The following SNRPN variants were observed in gnomAD, a reference collection of about 807,000 sequenced individuals.
The protein encoded by SNRPN is small nuclear ribonucleoprotein-associated protein N.
In SNRPN, 7 loss-of-function variants were observed where a neutral mutation model predicts 25.2. The observed-to-expected ratio is 0.28, with a 90% CI of 0.16 to 0.52. The LOEUF (loss-of-function observed/expected upper bound fraction) is 0.52, where lower values mean the gene tolerates loss of function less well. SNRPN is among the 20% of genes least tolerant of loss of function. The pLI is 0.96. For synonymous variants in SNRPN, 124 were observed against 110.6 expected, an observed-to-expected ratio of 1.12 and a Z score of -0.76; for missense variants, 196 against 322.5, an observed-to-expected ratio of 0.61 and a Z score of 3.00.
intron 1 of SNRPN, among the ~76,000 whole-genome samples, chr15:24,857,736 A>G (rs1166887286): frequency 6.6e-6 from 1 of 152,160 alleles, no homozygotes; most frequent in African/African-American, 2.4e-5. Context: ...CCAGCTGTCT[A>G]GACAGAGCCG....
Position 24,967,904 on chromosome 15 carries a change from A to G in SNRPN, c.-294-28A>G, listed in dbSNP as rs79932163. The G allele has an allele frequency of 1.4e-3, 2,259 of 1,578,162 alleles. 23 individuals carry two copies. The African/African-American group carries it at 0.026, about 18-fold the overall frequency. On this transcript the variant is annotated intron_variant, in intron 2 of 9. Transcript: ENST00000390687. Reference sequence around the variant, plus strand: ...CTATAAAGACAAATGTATTTTTATCATTTATATATATTGTGCTCTTGTTGT... The same window carrying G: ...CTATAAAGACAAATGTATTTTTATCGTTTATATATATTGTGCTCTTGTTGT...
intron 3 of SNRPN, among the ~76,000 whole-genome samples, chr15:24,937,834 G>A (rs1279344625): frequency 1.3e-5 from 2 of 151,972 alleles, no homozygotes; most frequent in African/African-American, 4.8e-5. Context: ...CATTTGATTA[G>A]TCTGGATATC....
chr15:24,880,029 T>C (rs982848712), intron 1 of SNRPN, among the ~76,000 whole-genome samples: 2 of 152,188 alleles, frequency 1.3e-5, no homozygotes, highest in Non-Finnish European at 2.9e-5. Flanking sequence ...ACAGTAATTT[T>C]CGTTTCCTTA....
intron 1 of SNRPN, chr15:24,958,787 A>AT (rs1268947346): frequency 1.9e-5 from 3 of 154,262 alleles, no homozygotes; most frequent in Non-Finnish European, 4.4e-5. Context: ...TGATGCAGTT[A>AT]TAGCTCCCTG....
At chr15:24,878,790 A>G (rs1239208981) in intron 1 of SNRPN, among the ~76,000 whole-genome samples, 2 of 152,132 alleles carry the variant, frequency 1.3e-5, no homozygotes, top group African/African-American at 4.8e-5. Flanking sequence ...CTTTTCAAAA[A>G]TACTGAACTT....
chr15:24,971,476 T>C (rs2076395161), intron 3 of SNRPN, among the ~76,000 whole-genome samples: 1 of 152,086 alleles, frequency 6.6e-6, no homozygotes, highest in African/African-American at 2.4e-5. Context: ...CTGTAGGAGG[T>C]CAACTCCTAT....
chr15:24,957,453 G>T (rs1442389395), intron 1 of SNRPN, among the ~76,000 whole-genome samples: 1 of 152,184 alleles, frequency 6.6e-6, no homozygotes, highest in Non-Finnish European at 1.5e-5. Context: ...CAAAAATTTG[G>T]TGAGAAAGGT....
At chr15:24,841,008 AT>A (rs1428534303) in intron 2 of SNRPN, among the ~76,000 whole-genome samples, 1 of 151,820 alleles carries the variant, frequency 6.6e-6, no homozygotes, top group Non-Finnish European at 1.5e-5. Flanking sequence ...TGCCCTGCTA[AT>A]TTTTATATTT....
chr15:24,955,585 C>T (rs955449489), intron 1 of SNRPN, among the ~76,000 whole-genome samples: 1 of 129,160 alleles, frequency 7.7e-6, no homozygotes, highest in Non-Finnish European at 1.6e-5. Context: ...CGTGGTGGAG[C>T]AGGGTACGTG....
chr15:24,973,334 C>T (rs188435518), intron 3 of SNRPN, among the ~76,000 whole-genome samples: 3 of 152,170 alleles, frequency 2.0e-5, no homozygotes, highest in East Asian at 1.9e-4. Flanking sequence ...GTACACTGTT[C>T]ATACTGTGAT....
intron 2 of SNRPN, among the ~76,000 whole-genome samples, chr15:24,918,608 CATAAT>C (rs1566909470): frequency 0.013 from 935 of 71,112 alleles, 89 homozygotes; most frequent in Non-Finnish European, 0.017. Context: ...ATATATATAA[CATAAT>C]ATATATGTGT....
intron 3 of SNRPN, among the ~76,000 whole-genome samples, chr15:24,925,989 C>T (rs2060354675): frequency 6.6e-6 from 1 of 152,164 alleles, no homozygotes; most frequent in African/African-American, 2.4e-5. Flanking sequence ...CCGCCTCGGC[C>T]TCCCAAAGTG....
chr15:24,917,628 C>T (rs1201785537), intron 2 of SNRPN, among the ~76,000 whole-genome samples: 1 of 152,226 alleles, frequency 6.6e-6, no homozygotes, highest in Non-Finnish European at 1.5e-5. Flanking sequence ...TGTGGGGGCG[C>T]AGTGACCGCT....
At chr15:24,961,972 A>G (rs2074908374) in intron 1 of SNRPN, 142 bp from the exon 2 acceptor site, 1 of 802,068 alleles carries the variant, frequency 1.2e-6, no homozygotes, top group Non-Finnish European at 2.1e-6. Flanking sequence ...TGAAGGTTAA[A>G]GATCTTGTAA....
chr15:24,954,850 G>A, upstream of SNRPN: 1 of 707,476 alleles, frequency 1.4e-6, no homozygotes, highest in Non-Finnish European at 2.4e-6. Context: ...CTCCCCCCAG[G>A]TCATTCCGGT....
chr15:24,966,294 T>G (rs1295936663), intron 2 of SNRPN, among the ~76,000 whole-genome samples: 1 of 151,706 alleles, frequency 6.6e-6, no homozygotes, highest in Non-Finnish European at 1.5e-5. Flanking sequence ...GTTTTTTTTA[T>G]AAAGGATACA....
chr15:24,954,967 G>A (rs878970506), upstream of SNRPN: 26 of 1,592,718 alleles, frequency 1.6e-5, no homozygotes, highest in South Asian at 2.6e-4. Context: ...GAAGCCTGCC[G>A]CTGCTGCAGC....
chr15:24,888,120 T>A (rs2057354656), intron 2 of SNRPN, among the ~76,000 whole-genome samples: 1 of 151,688 alleles, frequency 6.6e-6, no homozygotes, highest in Non-Finnish European at 1.5e-5. Flanking sequence ...GACTTTTTTT[T>A]TTTTTTGAGA....
At chr15:24,962,580 A>G (rs773592296) in intron 2 of SNRPN, among the ~76,000 whole-genome samples, 1 of 152,070 alleles carries the variant, frequency 6.6e-6, no homozygotes, top group Non-Finnish European at 1.5e-5. Context: ...TTGCTCTGTG[A>G]TATTTAGGTG....
Sources: gnomAD v4.1 joint callset for allele counts (sites outside exome capture counted in the v4.1 genomes callset) on GRCh38, gnomAD v4.1.1 for gene constraint, MANE v1.5 for transcripts, NCBI Gene and HGNC (gene_info 2026-07-23, HGNC 2026-07-21) for gene names.